The following LEKR1 variants were observed in gnomAD, a reference collection of about 807,000 sequenced individuals.
LEKR1 encodes protein LEKR1.
In LEKR1, 59 loss-of-function variants were observed where a neutral mutation model predicts 72.4. The ratio of observed to expected loss-of-function variants is 0.82; its 90% CI spans 0.66 to 1.01. The LOEUF (loss-of-function observed/expected upper bound fraction) is 1.01. Among genes scored for constraint, LEKR1 ranks in the 50% least tolerant of loss-of-function variants. The pLI is 0.00. For missense variants in LEKR1, 728 were observed against 759.2 expected (o/e 0.96, Z 0.48); for synonymous variants, 257 against 263.2 (o/e 0.98, Z 0.23).
At position 156,967,346 on chromosome 3, in the gene LEKR1, G is replaced by A. The variant is rs1390622089; in HGVS notation, c.746-11848G>A. ...TACTCTGAGCTAAAGGAGGAAGTTC[G>A]AACCCATGGCAAAGAAGTTAAAAAC... On this transcript the variant is annotated intron_variant, in intron 6 of 12. Transcript: ENST00000356539. 5.9e-5 allele frequency among the ~76,000 whole-genome samples: 9 copies of A among 151,988 alleles called. 1 individual carries two copies. The South Asian group carries it at 8.3e-4, about 14-fold the overall frequency.
chr3:156,958,619 C>T (rs1727856874), intron 6 of LEKR1, among the ~76,000 whole-genome samples: 1 of 152,030 alleles, frequency 6.6e-6, no homozygotes, highest in African/African-American at 2.4e-5. Context: ...TAGATGTTCC[C>T]ATCTATTGAC....
intron 3 of LEKR1, among the ~76,000 whole-genome samples, chr3:156,912,731 T>C (rs968630353): frequency 1.3e-5 from 2 of 152,208 alleles, no homozygotes; most frequent in African/African-American, 4.8e-5. Context: ...GTTCCCTTTT[T>C]ATATAGAATC....
At chr3:157,008,705 T>C (rs1489402971) in intron 9 of LEKR1, among the ~76,000 whole-genome samples, 1 of 152,220 alleles carries the variant, frequency 6.6e-6, no homozygotes, top group Non-Finnish European at 1.5e-5. Flanking sequence ...CTCTCTATAA[T>C]TTTACCAAGC....
At chr3:156,910,035 AG>A (rs1722955849) in intron 3 of LEKR1, among the ~76,000 whole-genome samples, 1 of 152,146 alleles carries the variant, frequency 6.6e-6, no homozygotes, top group Non-Finnish European at 1.5e-5. Context: ...CCTTTCTCTT[AG>A]TATGCTAAGA....
intron 5 of LEKR1, among the ~76,000 whole-genome samples, chr3:156,930,507 ATATTT>A (rs1310786318): frequency 2.6e-5 from 4 of 152,144 alleles, no homozygotes; most frequent in South Asian, 4.1e-4. Context: ...ACATGGCAGA[ATATTT>A]TATTTAAACC....
intron 3 of LEKR1, among the ~76,000 whole-genome samples, chr3:156,905,163 T>C (rs1436264292): frequency 1.3e-5 from 2 of 152,140 alleles, no homozygotes; most frequent in Non-Finnish European, 2.9e-5. Flanking sequence ...TGTTGGAATA[T>C]TGAACTCCCT....
chr3:157,003,714 G>A (rs1732194780), intron 9 of LEKR1, among the ~76,000 whole-genome samples: 1 of 152,018 alleles, frequency 6.6e-6, no homozygotes, highest in African/African-American at 2.4e-5. Context: ...CCCATATAAG[G>A]AAACATACTC....
chr3:156,869,121 C>G (rs1034788094), intron 3 of LEKR1, among the ~76,000 whole-genome samples: 2 of 152,160 alleles, frequency 1.3e-5, no homozygotes, highest in South Asian at 4.1e-4. Context: ...TAGGTTGATT[C>G]CATATCTTTG....
chr3:157,018,464 A>G (rs931114929), intron 10 of LEKR1, among the ~76,000 whole-genome samples: 3 of 152,236 alleles, frequency 2.0e-5, no homozygotes, highest in Non-Finnish European at 2.9e-5. Flanking sequence ...GATTCACATC[A>G]TACAAATATT....
At chr3:156,987,596 A>T (rs1730805537) in intron 7 of LEKR1, among the ~76,000 whole-genome samples, 1 of 152,220 alleles carries the variant, frequency 6.6e-6, no homozygotes, top group Non-Finnish European at 1.5e-5. Flanking sequence ...TTATATTTTG[A>T]TATATTCTTC....
At chr3:156,954,872 G>A (rs1278828897) in intron 6 of LEKR1, among the ~76,000 whole-genome samples, 1 of 151,920 alleles carries the variant, frequency 6.6e-6, no homozygotes, top group African/African-American at 2.4e-5. Flanking sequence ...TTTTAAAATA[G>A]TTTTTTCTAG....
chr3:156,899,627 TATATACACGCATATATACAC>T, intron 3 of LEKR1, among the ~76,000 whole-genome samples: 1 of 104,960 alleles, frequency 9.5e-6, no homozygotes, highest in Non-Finnish European at 2.1e-5. Context: ...TATATACACA[TATATACACGCATATATACAC>T]ATATATACAC....
At chr3:156,873,781 ATTAG>A (rs1718241664) in intron 3 of LEKR1, among the ~76,000 whole-genome samples, 1 of 151,928 alleles carries the variant, frequency 6.6e-6, no homozygotes, top group African/African-American at 2.4e-5. Context: ...TCCTTACTAT[ATTAG>A]TTAGGAGATT....
chr3:156,839,886 G>C (rs184322263), intron 2 of LEKR1, among the ~76,000 whole-genome samples: 1 of 152,094 alleles, frequency 6.6e-6, no homozygotes, highest in Non-Finnish European at 1.5e-5. Flanking sequence ...AAAAAAGTTC[G>C]ACAGAAGTTA....
intron 3 of LEKR1, among the ~76,000 whole-genome samples, chr3:156,870,546 C>A (rs1159366816): frequency 6.6e-6 from 1 of 151,962 alleles, no homozygotes; most frequent in Non-Finnish European, 1.5e-5. Context: ...TTATGTCCTG[C>A]AATTTAACTA....
At chr3:157,002,013 C>A (rs142725113) in intron 9 of LEKR1, among the ~76,000 whole-genome samples, 200 of 152,208 alleles carry the variant, frequency 1.3e-3, no homozygotes, top group African/African-American at 4.7e-3. Context: ...GTTTTTCTTT[C>A]AGGCCAGAGA....
At chr3:156,921,920 A>G (rs1724235621) in intron 4 of LEKR1, among the ~76,000 whole-genome samples, 1 of 152,134 alleles carries the variant, frequency 6.6e-6, no homozygotes. Flanking sequence ...ATACAAATGG[A>G]GGTGTTATTT....
intron 2 of LEKR1, among the ~76,000 whole-genome samples, chr3:156,830,253 T>C (rs903205858): frequency 6.6e-6 from 1 of 152,234 alleles, no homozygotes; most frequent in Admixed American, 6.5e-5. Flanking sequence ...ATGTGAGCAG[T>C]TCTTCCCTTC....
At position 157,011,463 on chromosome 3, in the gene LEKR1, C is replaced by G. The variant is rs1187561822; in HGVS notation, c.1160C>G (p.Thr387Ser). ...HQKSIEQLQE[T>S]LRQKLLSDDN... ...AAAAGCATCGAGCAGCTGCAAGAAACCCTTAGACAGAAGCTGCTGAGTGAT... is the reference window on the plus strand; with the variant it reads ...AAAAGCATCGAGCAGCTGCAAGAAAGCCTTAGACAGAAGCTGCTGAGTGAT... The change falls in exon 10 of 13, where the codon ACC becomes AGC. Residue 387 changes from threonine to serine, a missense_variant. By Grantham distance (58) the Thr-to-Ser change is moderately conservative (BLOSUM62 1). Coordinates refer to ENST00000356539, the MANE Select transcript of LEKR1 (RefSeq NM_001004316.3). 2 of 1,613,170 alleles carry G rather than the reference C, an allele frequency of 1.2e-6. No individual in the cohort carries two copies. The highest frequency in any genetic ancestry group is 1.7e-6 in the Non-Finnish European group (2 of 1,179,314).
Sources: gnomAD v4.1 joint callset for allele counts (sites outside exome capture counted in the v4.1 genomes callset) on GRCh38, gnomAD v4.1.1 for gene constraint, MANE v1.5 for transcripts, NCBI Gene and HGNC (gene_info 2026-07-23, HGNC 2026-07-21) for gene names.